RBM39: variants seen among roughly 807,000 people sequenced by gnomAD.
RBM39 encodes RNA binding motif protein 39, also known as RNA-binding protein 39.
RBM39 carries 12 observed loss-of-function variants against 79.6 expected under a neutral mutation model. The ratio of observed to expected loss-of-function variants is 0.15; its 90% CI spans 0.10 to 0.24. RBM39 has a LOEUF of 0.24. Ranked by LOEUF, RBM39 falls within the 10% of genes least tolerant of loss-of-function variation. The pLI, the probability that RBM39 is intolerant of heterozygous loss-of-function variation, is 1.00. For synonymous variants in RBM39, 185 were observed against 208.4 expected, an observed-to-expected ratio of 0.89 and a Z score of 0.97; for missense variants, 243 against 653.4, an observed-to-expected ratio of 0.37 and a Z score of 6.85.
Position 35,729,543 on chromosome 20 carries a change from A to G in RBM39, c.297-16T>C. 1 of 1,611,362 alleles carries G rather than the reference A, an allele frequency of 6.2e-7. No homozygotes were observed. The highest frequency in any genetic ancestry group is 8.5e-7 in the Non-Finnish European group (1 of 1,177,742). On this transcript the variant is annotated splice_polypyrimidine_tract_variant and intron_variant, in intron 4 of 16. Coordinates refer to ENST00000253363, the MANE Select transcript of RBM39 (RefSeq NM_184234.3). ...TGGTCCGGAGCTAAAAAGGAAACAC[A>G]AAATTACACTAGTTACAGGTTTAGG...
intron 3 of RBM39, among the ~76,000 whole-genome samples, chr20:35,736,106 G>A (rs1253304930): frequency 1.3e-5 from 1 of 79,994 alleles, no homozygotes; most frequent in African/African-American, 3.4e-5. Context: ...TAGCCACTCG[G>A]CCTGACACCT....
chr20:35,739,102 A>C, intron 2 of RBM39, 85 bp from the exon 3 acceptor site: 1 of 1,138,176 alleles, frequency 8.8e-7, no homozygotes, highest in Non-Finnish European at 1.3e-6. Flanking sequence ...AGGAATAAGA[A>C]AATACAAAAC....
At chr20:35,712,636 TCTTA>T (rs2036582191) in intron 12 of RBM39, among the ~76,000 whole-genome samples, 1 of 151,870 alleles carries the variant, frequency 6.6e-6, no homozygotes, top group Admixed American at 6.5e-5. Context: ...GTCTCAACAC[TCTTA>T]CTACTACAAT....
At chr20:35,732,317 G>A in intron 3 of RBM39, 182 bp from the exon 4 acceptor site, 1 of 614,648 alleles carries the variant, frequency 1.6e-6, no homozygotes, top group Non-Finnish European at 2.8e-6. Flanking sequence ...CAGCACTTTG[G>A]TAGGCCGAGG....
At chr20:35,722,898 C>T (rs1600509998) in intron 8 of RBM39, among the ~76,000 whole-genome samples, 1 of 149,154 alleles carries the variant, frequency 6.7e-6, no homozygotes, top group Admixed American at 6.7e-5. Flanking sequence ...CGCCCCACTG[C>T]ACTACAGCCT....
chr20:35,741,980 G>C lies in RBM39; in HGVS notation c.-53C>G. On this transcript the variant is annotated 5_prime_UTR_variant, in exon 1 of 17. Coordinates refer to ENST00000253363, the MANE Select transcript of RBM39 (RefSeq NM_184234.3). The stretch of plus-strand genomic sequence containing the variant: ...GGGCGCCTGTGGTGCTCGTGTTCGG[G>C]AAGAGATTGCTGCTGCTGCTGCTGC... The C allele has an allele frequency of 4.1e-6, 1 of 244,674 alleles. No individual in the cohort carries two copies. The allele number at this position is 244,674 out of a possible 1,614,324, so 15.2% of individuals were successfully genotyped here.
rs1454494196 is a variant in RBM39 at position 35,703,653 on chromosome 20, T to C, written c.*828A>G. 1 of 152,676 alleles carries C rather than the reference T, an allele frequency of 6.5e-6. No homozygotes were observed. The highest frequency in any genetic ancestry group is 1.9e-4 in the East Asian group (1 of 5,204). 9.5% of individuals were successfully genotyped at this position (152,676 alleles called of 1,614,324 possible). A position where few individuals can be genotyped will look rare whatever the true frequency, so the allele number is the denominator to read the frequency against. ...TTATTTGAGTGGTTCTTACAAAGAT[T>C]GTTGCAATATGAAAGTCATTTGTTT... is the stretch of plus-strand genomic sequence containing the variant. On this transcript the variant is annotated 3_prime_UTR_variant, in exon 17 of 17. Transcript: ENST00000253363.
chr20:35,711,470 G>A (rs1237665803), intron 12 of RBM39, among the ~76,000 whole-genome samples: 1 of 152,126 alleles, frequency 6.6e-6, no homozygotes, highest in Non-Finnish European at 1.5e-5. Flanking sequence ...ACTTGAGGAG[G>A]GATCAAATGA....
At chr20:35,739,791 C>T (rs1012571200) in intron 2 of RBM39, 6 of 253,178 alleles carry the variant, frequency 2.4e-5, no homozygotes, top group African/African-American at 1.4e-4. Context: ...AAGAATTCAT[C>T]CAAATTGGTA....
At chr20:35,726,602 A>T (rs1413588394) in intron 6 of RBM39, among the ~76,000 whole-genome samples, 1 of 152,234 alleles carries the variant, frequency 6.6e-6, no homozygotes. Context: ...TAAGTTTGAC[A>T]ATCACAAATG....
intron 10 of RBM39, 39 bp from the exon 11 acceptor site, chr20:35,714,428 T>TA (rs768937774): frequency 4.5e-6 from 7 of 1,560,634 alleles, no homozygotes; most frequent in Non-Finnish European, 5.2e-6. Flanking sequence ...GACAGTGCTT[T>TA]AATTTTTAAA....
At chr20:35,741,747 G>A (rs1376771363) in intron 1 of RBM39, 194 bp downstream of exon 1, 1 of 153,104 alleles carries the variant, frequency 6.5e-6, no homozygotes, top group South Asian at 1.8e-4. Context: ...CGGCCTCTCG[G>A]GGGTCCCTAC....
Position 35,727,648 on chromosome 20 carries a change from GTATTTTTT to G in RBM39, c.416+1656_416+1663del, listed in dbSNP as rs1172975460. Among the ~76,000 whole-genome samples, 36 of 134,562 alleles carry G rather than the reference GTATTTTTT, an allele frequency of 2.7e-4. No individual in the cohort carries two copies. The East Asian group carries it at 6.2e-3, about 23-fold the overall frequency. 88.3% of individuals were successfully genotyped at this position (134,562 alleles called of 152,430 possible). A position where few individuals can be genotyped will look rare whatever the true frequency, so the allele number is the denominator to read the frequency against. On this transcript the variant is annotated intron_variant, in intron 6 of 16. Transcript: ENST00000253363. ...ACACCACCATGCCCAGCTAATTTTT[GTATTTTTT>G]TTTTTTTTTTGAGACAGAGTTTCGC...
chr20:35,738,945 C>G (rs1351067147), intron 3 of RBM39, 23 bp downstream of exon 3: 2 of 1,600,762 alleles, frequency 1.2e-6, no homozygotes, highest in Non-Finnish European at 1.7e-6. Flanking sequence ...CCACCCTCCC[C>G]CAAGCCCCTT....
chr20:35,741,033 T>TTTTTTTTTTTTC (rs2040460065), intron 1 of RBM39, 146 bp from the exon 2 acceptor site: 26 of 322,346 alleles, frequency 8.1e-5, no homozygotes, highest in South Asian at 2.1e-4. Flanking sequence ...CATTTTTCTT[T>TTTTTTTTTTTTC]TTTTTTTTTT....
chr20:35,734,382 G>T, intron 3 of RBM39: 1 of 362,600 alleles, frequency 2.8e-6, no homozygotes. Flanking sequence ...ATGGGCAATA[G>T]GTAACACTCC....
Position 35,732,088 on chromosome 20 carries a change from C to T in RBM39, c.149G>A (p.Ser50Asn). ...SRSRSHERKR[S>N]KSKERKRSRD... is the part of the protein sequence containing the mutation. ...ACTTCGCTTCCGTTCCTTACTTTTG[C>T]TTCTCTTTCGTTCATGACTACGACT... The change falls in exon 4 of 17, where the codon AGC (serine) becomes AAC (asparagine). Residue 50 changes from serine to asparagine, a missense_variant. Ser to Asn is a conservative substitution (Grantham distance 46). Around this residue, in one of 4 missense-constraint regions of RBM39, gnomAD observed 115 missense variants for 184.1 expected, o/e 0.62. Transcript: ENST00000253363. 1.2e-6 allele frequency: 2 copies of T among 1,614,024 alleles called. No homozygotes were observed. The highest frequency in any genetic ancestry group is 1.7e-6 in the Non-Finnish European group (2 of 1,180,016).
chr20:35,717,382 T>C (rs1183734634), intron 9 of RBM39, among the ~76,000 whole-genome samples: 2 of 151,666 alleles, frequency 1.3e-5, no homozygotes, highest in Non-Finnish European at 2.9e-5. Context: ...ACTATGATTG[T>C]AACCTAAGAT....
At chr20:35,740,719 TAAATC>T in intron 2 of RBM39, 100 bp downstream of exon 2, 2 of 1,346,562 alleles carry the variant, frequency 1.5e-6, no homozygotes, top group Non-Finnish European at 2.1e-6. Context: ...TCTGATAAGA[TAAATC>T]AAGAGGGCTC....
Sources: gnomAD v4.1 joint callset for allele counts (sites outside exome capture counted in the v4.1 genomes callset) on GRCh38, gnomAD v4.1.1 for gene constraint, gnomAD v4.1.1 regional missense constraint, MANE v1.5 for transcripts, NCBI Gene and HGNC (gene_info 2026-07-23, HGNC 2026-07-21) for gene names.